ANKFN1: variants seen among roughly 807,000 people sequenced by gnomAD.
ANKFN1 encodes ankyrin repeat and fibronectin type III domain containing 1.
Under a neutral mutation model 108.7 loss-of-function variants are expected in ANKFN1, and 74 were observed. That is an observed-to-expected ratio of 0.68 (90% CI 0.56 to 0.83). The LOEUF (loss-of-function observed/expected upper bound fraction) is 0.83. Ranked by LOEUF, ANKFN1 falls within the 40% of genes least tolerant of loss-of-function variation. The pLI is 0.00. For missense variants in ANKFN1, 1,505 were observed against 1,382.3 expected, an observed-to-expected ratio of 1.09 and a Z score of -1.41; for synonymous variants, 547 against 516.2, an observed-to-expected ratio of 1.06 and a Z score of -0.81.
intron 6 of ANKFN1, among the ~76,000 whole-genome samples, chr17:56,358,383 C>T (rs911962855): frequency 2.0e-5 from 3 of 152,130 alleles, no homozygotes; most frequent in Non-Finnish European, 4.4e-5. Flanking sequence ...TTGAACCCCT[C>T]GATGCCAGAG....
At chr17:56,469,617 GC>G (rs1440026006) in intron 15 of ANKFN1, among the ~76,000 whole-genome samples, 1 of 151,948 alleles carries the variant, frequency 6.6e-6, no homozygotes, top group African/African-American at 2.4e-5. Context: ...TGTGTCCAGG[GC>G]ATTATTTAAC....
upstream of ANKFN1, chr17:56,153,445 G>A (rs994426705): frequency 2.5e-6 from 4 of 1,593,916 alleles, no homozygotes; most frequent in Non-Finnish European, 3.4e-6. Context: ...GTGGACATTC[G>A]CAAAGGGGTT....
In ANKFN1 at chr17:56,122,887, C is replaced by G. The variant is rs184894249; in HGVS notation, c.288+76562C>G. 5.8e-4 allele frequency among the ~76,000 whole-genome samples: 88 copies of G among 152,252 alleles called. 1 individual carries two copies. Among genetic ancestry groups the G allele is most frequent in the African/African-American group, 1.8e-3 (75 of 41,536 alleles). On this transcript the variant is annotated intron_variant, in intron 4 of 12. Transcript: ENST00000635860. ...GGGATTATGAGGCACCACTTGGCTT[C>G]CATTTGGGTGGAGCTCACCAGAACT...
At chr17:56,221,187 C>A (rs184237715) in intron 2 of ANKFN1, among the ~76,000 whole-genome samples, 165 of 152,168 alleles carry the variant, frequency 1.1e-3, no homozygotes, top group African/African-American at 3.8e-3. Flanking sequence ...AACTCACTAC[C>A]GTGAGGACAG....
intron 8 of ANKFN1, among the ~76,000 whole-genome samples, chr17:56,417,639 A>G (rs1447819689): frequency 1.3e-5 from 2 of 152,128 alleles, no homozygotes; most frequent in Non-Finnish European, 2.9e-5. Flanking sequence ...TTTGTTATGG[A>G]TATTTGCTCA....
chr17:56,413,902 T>A (rs1054062864), intron 8 of ANKFN1, among the ~76,000 whole-genome samples: 5 of 152,100 alleles, frequency 3.3e-5, no homozygotes, highest in Non-Finnish European at 7.4e-5. Context: ...GGTCTCGAAC[T>A]CCTGACCTCA....
In ANKFN1 at chr17:56,070,378, T is replaced by C. The variant is rs1040338018; in HGVS notation, c.288+24053T>C. On this transcript the variant is annotated intron_variant, in intron 4 of 12. Transcript: ENST00000635860. ...ACTCCAGACTCTGTCGCCTTCTTTA[T>C]ATGGCCCTTTCCCCTATGTGTCTCC... Among the ~76,000 whole-genome samples the C allele has an allele frequency of 3.3e-5, 5 of 152,192 alleles. No homozygotes were observed. In the South Asian group the frequency reaches 8.3e-4, roughly 25 times the overall value.
At chr17:56,508,688 G>A (rs1240350107) in intron 20 of ANKFN1, among the ~76,000 whole-genome samples, 1 of 152,146 alleles carries the variant, frequency 6.6e-6, no homozygotes, top group Non-Finnish European at 1.5e-5. Context: ...CATCAATCCT[G>A]TCCCGATAAA....
intron 1 of ANKFN1, among the ~76,000 whole-genome samples, chr17:56,180,383 C>CT (rs1202470994): frequency 3.9e-5 from 6 of 152,200 alleles, no homozygotes; most frequent in African/African-American, 1.2e-4. Context: ...TAAGCCCATT[C>CT]TTACCTCCTC....
At chr17:56,415,287 T>C (rs2048210771) in intron 8 of ANKFN1, among the ~76,000 whole-genome samples, 1 of 152,226 alleles carries the variant, frequency 6.6e-6, no homozygotes, top group Non-Finnish European at 1.5e-5. Flanking sequence ...GCAGGTGATA[T>C]GATCTTATAT....
chr17:56,187,577 C>T (rs1912341408), intron 1 of ANKFN1, among the ~76,000 whole-genome samples: 1 of 152,180 alleles, frequency 6.6e-6, no homozygotes, highest in Non-Finnish European at 1.5e-5. Flanking sequence ...CCAGTCATCT[C>T]ATTACTGGGT....
intron 10 of ANKFN1, among the ~76,000 whole-genome samples, chr17:56,447,809 A>G (rs2049347722): frequency 6.6e-6 from 1 of 152,084 alleles, no homozygotes; most frequent in African/African-American, 2.4e-5. Flanking sequence ...TACTATCCTC[A>G]TTTTTCATGT....
At chr17:56,282,770 T>C (rs2044117803) in intron 3 of ANKFN1, among the ~76,000 whole-genome samples, 1 of 152,204 alleles carries the variant, frequency 6.6e-6, no homozygotes, top group African/African-American at 2.4e-5. Context: ...TATCTACCTG[T>C]ACCTAAACTT....
At chr17:56,047,215 A>G (rs890756433) in intron 4 of ANKFN1, among the ~76,000 whole-genome samples, 1 of 152,164 alleles carries the variant, frequency 6.6e-6, no homozygotes, top group Non-Finnish European at 1.5e-5. Context: ...TATCCTGGTT[A>G]TCTGGAGACA....
chr17:56,138,936 T>A (rs1239354462), intron 4 of ANKFN1, among the ~76,000 whole-genome samples: 2 of 151,992 alleles, frequency 1.3e-5, no homozygotes, highest in Non-Finnish European at 2.9e-5. Flanking sequence ...CACTCATGAG[T>A]TCAACCGTTT....
intron 1 of ANKFN1, among the ~76,000 whole-genome samples, chr17:56,187,117 A>G (rs907586068): frequency 2.6e-5 from 4 of 152,306 alleles, no homozygotes; most frequent in East Asian, 1.9e-4. Context: ...CGTCTGCACA[A>G]CAAAAGAAAC....
intron 8 of ANKFN1, 29 bp downstream of exon 8, chr17:56,374,743 C>T: frequency 6.5e-7 from 1 of 1,532,148 alleles, no homozygotes; most frequent in Non-Finnish European, 9.0e-7. Context: ...GTTTTCATCA[C>T]TCCTTCTTAA....
intron 19 of ANKFN1, among the ~76,000 whole-genome samples, chr17:56,496,504 T>A (rs552820784): frequency 1.1e-4 from 16 of 152,240 alleles, no homozygotes; most frequent in African/African-American, 3.1e-4. Context: ...TAGAGGAGAA[T>A]CTAGTCTCTG....
At chr17:56,456,401 C>CTTTTTT (rs397713657) in intron 11 of ANKFN1, among the ~76,000 whole-genome samples, 9 of 115,494 alleles carry the variant, frequency 7.8e-5, no homozygotes, top group Non-Finnish European at 1.0e-4. Flanking sequence ...CTTTTTTTCT[C>CTTTTTT]TTTTTTTTTT....
Sources: gnomAD v4.1 joint callset for allele counts (sites outside exome capture counted in the v4.1 genomes callset) on GRCh38, gnomAD v4.1.1 for gene constraint, MANE v1.5 for transcripts, NCBI Gene and HGNC (gene_info 2026-07-23, HGNC 2026-07-21) for gene names.